The following SH3BGR variants were observed in gnomAD, a reference collection of about 807,000 sequenced individuals.
The protein encoded by SH3BGR is SH3 domain-binding glutamic acid-rich protein.
Under a neutral mutation model 24.5 loss-of-function variants are expected in SH3BGR, and 29 were observed. The observed-to-expected ratio is 1.18, with a 90% CI of 0.88 to 1.61. The LOEUF (loss-of-function observed/expected upper bound fraction) is 1.61, where lower values mean the gene tolerates loss of function less well. Among genes scored for constraint, SH3BGR ranks in the 40% most tolerant of loss-of-function variants. The pLI is 0.00. For missense variants in SH3BGR, 162 were observed against 205.8 expected (o/e 0.79, Z 1.30); for synonymous variants, 55 against 65.7 (o/e 0.84, Z 0.79).
At position 39,471,599 on chromosome 21, in the gene SH3BGR, GTTGTTTGT is replaced by G. The variant is rs58343213; in HGVS notation, c.232-3521_232-3514del. Among the ~76,000 whole-genome samples, 19 of 151,174 alleles carry G rather than the reference GTTGTTTGT, an allele frequency of 1.3e-4. 1 individual carries two copies. In the South Asian group the frequency reaches 1.5e-3, roughly 12 times the overall value. ...ATCTTTTTTCCTCTCTAGATTATTT[GTTGTTTGT>G]TTGTTTGTTTGTTTATTTATTTATT... On this transcript the variant is annotated intron_variant, in intron 2 of 6. Coordinates refer to ENST00000333634, the MANE Select transcript of SH3BGR (RefSeq NM_007341.3).
intron 3 of SH3BGR, among the ~76,000 whole-genome samples, chr21:39,496,477 G>A (rs560213794): frequency 2.3e-4 from 33 of 145,636 alleles, no homozygotes; most frequent in Admixed American, 1.2e-3. Flanking sequence ...TCCGCAGTCC[G>A]GCCTGGGCGA....
upstream of SH3BGR, among the ~76,000 whole-genome samples, chr21:39,451,526 GA>G (rs1372218165): frequency 1.3e-5 from 2 of 151,744 alleles, no homozygotes; most frequent in Non-Finnish European, 2.9e-5. Context: ...AACCTGCCAG[GA>G]AAAAAAACAA....
chr21:39,473,003 T>A (rs1019085600), intron 2 of SH3BGR, among the ~76,000 whole-genome samples: 2 of 149,396 alleles, frequency 1.3e-5, no homozygotes, highest in East Asian at 1.9e-4. Flanking sequence ...TGTATTTAAA[T>A]TTTTTTTTTT....
chr21:39,476,035 G>A (rs537728543), intron 3 of SH3BGR, among the ~76,000 whole-genome samples: 1 of 152,310 alleles, frequency 6.6e-6, no homozygotes, highest in Non-Finnish European at 1.5e-5. Context: ...TGGAAGCTGC[G>A]AACGCATGTA....
upstream of SH3BGR, chr21:39,451,706 AC>A (rs2077576713): frequency 1.6e-6 from 1 of 618,426 alleles, no homozygotes; most frequent in Non-Finnish European, 2.8e-6. Context: ...CTGCTCTGTT[AC>A]CGGGGCCCCA....
chr21:39,497,361 T>C (rs958933192), intron 3 of SH3BGR, among the ~76,000 whole-genome samples: 1 of 151,718 alleles, frequency 6.6e-6, no homozygotes, highest in Middle Eastern at 3.2e-3. Flanking sequence ...TTACATTATA[T>C]GCTAAATTAA....
intron 3 of SH3BGR, 23 bp downstream of exon 3, chr21:39,475,238 G>C (rs377591242): frequency 6.8e-7 from 1 of 1,460,814 alleles, no homozygotes; most frequent in South Asian, 1.1e-5. Context: ...AAACTCCATT[G>C]GGGTTCAAAA....
intron 4 of SH3BGR, 111 bp from the exon 5 acceptor site, chr21:39,508,887 T>C (rs1241004051): frequency 1.4e-6 from 1 of 725,524 alleles, no homozygotes; most frequent in Non-Finnish European, 2.3e-6. Flanking sequence ...AACTAATGTG[T>C]TGTTCATTTT....
intron 3 of SH3BGR, among the ~76,000 whole-genome samples, chr21:39,479,244 G>GGTGGTGGTGGTGC (rs1569160870): frequency 1.5e-3 from 195 of 134,284 alleles, no homozygotes; most frequent in African/African-American, 5.8e-3. Context: ...GGTGGTGGTG[G>GGTGGTGGTGGTGC]TGGTGGTGGT....
chr21:39,510,348 T>G (rs2078657138), intron 5 of SH3BGR, among the ~76,000 whole-genome samples: 1 of 147,276 alleles, frequency 6.8e-6, no homozygotes, highest in African/African-American at 2.5e-5. Context: ...TACCCAGAGA[T>G]AACCACTGTA....
At position 39,452,142 on chromosome 21, in the gene SH3BGR, G is replaced by T; in HGVS notation, c.45+1G>T. On this transcript the variant is annotated splice_donor_variant, in intron 1 of 6. Transcript: ENST00000333634. LOFTEE classifies it high-confidence loss of function. ...TGCTACATCTTCTGGGTCCATAGCGGTAGGTGTCTGGTGGACTCTTTCTTC... is the reference window on the plus strand; with the variant it reads ...TGCTACATCTTCTGGGTCCATAGCGTTAGGTGTCTGGTGGACTCTTTCTTC... The T allele has an allele frequency of 6.2e-7, 1 of 1,614,166 alleles. No individual in the cohort carries two copies. Among genetic ancestry groups the T allele is most frequent in the Non-Finnish European group, 8.5e-7 (1 of 1,179,998 alleles).
intron 6 of SH3BGR, among the ~76,000 whole-genome samples, chr21:39,513,887 T>C (rs1027557063): frequency 1.3e-5 from 2 of 152,180 alleles, no homozygotes; most frequent in South Asian, 4.1e-4. Flanking sequence ...TTTAATGTGA[T>C]AATTATAAAG....
intron 3 of SH3BGR, among the ~76,000 whole-genome samples, chr21:39,493,079 A>G (rs2078331208): frequency 1.3e-5 from 2 of 152,146 alleles, no homozygotes; most frequent in African/African-American, 4.8e-5. Context: ...TCTGTTTACT[A>G]TGCTGACTGT....
At chr21:39,492,443 G>GGTGTGTGTGT (rs1164205385) in intron 3 of SH3BGR, among the ~76,000 whole-genome samples, 1,702 of 136,394 alleles carry the variant, frequency 0.012, 39 homozygotes, top group African/African-American at 0.045. Context: ...AGTTTCCCTT[G>GGTGTGTGTGT]GTGTGTGTGT....
At chr21:39,506,241 G>A (rs2078581180) in intron 4 of SH3BGR, among the ~76,000 whole-genome samples, 1 of 152,224 alleles carries the variant, frequency 6.6e-6, no homozygotes, top group African/African-American at 2.4e-5. Context: ...ATGGGAGCAA[G>A]TGAGAAGGTC....
At chr21:39,474,060 C>T (rs1467750837) in intron 2 of SH3BGR, among the ~76,000 whole-genome samples, 5 of 152,036 alleles carry the variant, frequency 3.3e-5, no homozygotes, top group African/African-American at 9.7e-5. Flanking sequence ...CTTGATCTGC[C>T]AGGCTCAAGT....
At position 39,499,882 on chromosome 21, in the gene SH3BGR, T is replaced by C. The variant is rs1415855867; in HGVS notation, c.372T>C (p.Asp124=). Reference sequence around the variant, plus strand: ...AGGCACAAAAAGAGGGCAGTGAAGATGTGGGCAACCTCCCTGAAGCCCAGG... The same window carrying C: ...AGGCACAAAAAGAGGGCAGTGAAGACGTGGGCAACCTCCCTGAAGCCCAGG... The part of the protein sequence containing the change: ...ETEAQKEGSE[D]VGNLPEAQEK... The change falls in exon 4 of 7, where the codon GAT becomes GAC. Residue 124 remains aspartate, a synonymous_variant. Transcript: ENST00000333634. 36 of 1,613,632 alleles carry C rather than the reference T, an allele frequency of 2.2e-5. No homozygotes were observed. The Admixed American group carries it at 6.0e-4, about 27-fold the overall frequency.
intron 1 of SH3BGR, among the ~76,000 whole-genome samples, chr21:39,453,945 ATTG>A (rs1476538346): frequency 6.6e-5 from 10 of 152,314 alleles, no homozygotes; most frequent in East Asian, 5.8e-4. Flanking sequence ...TGCTACTATA[ATTG>A]TTATTATTAG....
chr21:39,492,075 A>G (rs1385917024), intron 3 of SH3BGR, among the ~76,000 whole-genome samples: 1 of 152,068 alleles, frequency 6.6e-6, no homozygotes. Flanking sequence ...TATAATATGT[A>G]TGTATTTTTT....
Sources: gnomAD v4.1 joint callset for allele counts (sites outside exome capture counted in the v4.1 genomes callset) on GRCh38, gnomAD v4.1.1 for gene constraint, MANE v1.5 for transcripts, NCBI Gene and HGNC (gene_info 2026-07-23, HGNC 2026-07-21) for gene names.